The following FSTL5 variants were observed in gnomAD, a reference collection of about 807,000 sequenced individuals.
The protein encoded by FSTL5 is follistatin-related protein 5.
In FSTL5, 62 loss-of-function variants were observed where a neutral mutation model predicts 89.1. The observed-to-expected ratio is 0.70, with a 90% CI of 0.57 to 0.86. The LOEUF (loss-of-function observed/expected upper bound fraction) is 0.86. FSTL5 is among the 40% of genes least tolerant of loss of function. The pLI is 0.00. For synonymous variants in FSTL5, 383 were observed against 346.2 expected (o/e 1.11, Z -1.18); for missense variants, 1,057 against 1,001.6 (o/e 1.06, Z -0.75).
intron 8 of FSTL5, 38 bp downstream of exon 8, chr4:161,587,417 T>A: frequency 6.2e-7 from 1 of 1,602,146 alleles, no homozygotes; most frequent in Non-Finnish European, 8.5e-7. Context: ...AACTATGGTG[T>A]TCTTTGAATA....
chr4:161,703,352 G>A (rs1026215312), intron 6 of FSTL5, among the ~76,000 whole-genome samples: 3 of 151,960 alleles, frequency 2.0e-5, no homozygotes, highest in African/African-American at 4.8e-5. Context: ...TACATGCTAC[G>A]TAGTTCTCCT....
chr4:161,455,856 T>C (rs969031642), intron 14 of FSTL5, among the ~76,000 whole-genome samples: 1 of 152,156 alleles, frequency 6.6e-6, no homozygotes, highest in Admixed American at 6.5e-5. Context: ...GCCTTTTTCC[T>C]GCCTTTACTT....
chr4:161,766,588 G>A (rs1741007229), intron 5 of FSTL5, among the ~76,000 whole-genome samples: 1 of 152,102 alleles, frequency 6.6e-6, no homozygotes, highest in Non-Finnish European at 1.5e-5. Context: ...GTGTCTTCGG[G>A]AAATCCTGCT....
rs192431781 is a variant in FSTL5, at chr4:162,021,864, G to A, written c.160+11761C>T. On this transcript the variant is annotated intron_variant, in intron 3 of 15. Transcript: ENST00000306100. ...TCCCAGCACTTTGGGAGGCCGAGGCGGGTGGATCACGAGGTCATAAGTTCA... is the reference window on the plus strand; with the variant it reads ...TCCCAGCACTTTGGGAGGCCGAGGCAGGTGGATCACGAGGTCATAAGTTCA... Among the ~76,000 whole-genome samples the A allele has an allele frequency of 1.8e-3, 281 of 152,108 alleles. 1 individual carries two copies. The highest frequency in any genetic ancestry group is 5.3e-3 in the African/African-American group (218 of 41,486).
At chr4:161,638,031 T>C (rs950596378) in intron 7 of FSTL5, among the ~76,000 whole-genome samples, 2 of 152,072 alleles carry the variant, frequency 1.3e-5, no homozygotes, top group Admixed American at 6.6e-5. Context: ...GGGGATGGCA[T>C]TGAATCTGTA....
chr4:161,759,081 T>C (rs761868730), intron 6 of FSTL5, among the ~76,000 whole-genome samples: 5 of 152,178 alleles, frequency 3.3e-5, no homozygotes, highest in Non-Finnish European at 5.9e-5. Flanking sequence ...GTGTAAATAA[T>C]TGTTTTTGAT....
chr4:161,907,837 A>C (rs1426627043), intron 4 of FSTL5, among the ~76,000 whole-genome samples: 1 of 152,038 alleles, frequency 6.6e-6, no homozygotes, highest in African/African-American at 2.4e-5. Context: ...ATTCCTTTTG[A>C]GTTCTAACAT....
chr4:162,054,300 C>A (rs770885498), intron 2 of FSTL5, among the ~76,000 whole-genome samples: 7 of 151,686 alleles, frequency 4.6e-5, no homozygotes, highest in Non-Finnish European at 8.8e-5. Context: ...CATTTGTCAA[C>A]GTGTGAATAG....
intron 9 of FSTL5, among the ~76,000 whole-genome samples, chr4:161,540,229 A>G (rs1731773439): frequency 6.6e-6 from 1 of 152,162 alleles, no homozygotes; most frequent in South Asian, 2.1e-4. Flanking sequence ...GTAAGTTATA[A>G]GACTATTGCA....
At chr4:161,853,384 C>T (rs1731620139) in intron 4 of FSTL5, among the ~76,000 whole-genome samples, 1 of 151,808 alleles carries the variant, frequency 6.6e-6, no homozygotes, top group Non-Finnish European at 1.5e-5. Context: ...TCTTGTGCCT[C>T]AGTCTCCTGA....
chr4:161,782,694 T>C (rs1246878662), intron 4 of FSTL5, among the ~76,000 whole-genome samples: 3 of 152,166 alleles, frequency 2.0e-5, no homozygotes, highest in Non-Finnish European at 2.9e-5. Context: ...AAGGGAAGTA[T>C]CGTGAGTTAA....
chr4:161,946,751 G>A, intron 3 of FSTL5, among the ~76,000 whole-genome samples: 1 of 152,110 alleles, frequency 6.6e-6, no homozygotes, highest in East Asian at 1.9e-4. Flanking sequence ...CATTATTCTT[G>A]TGTAAACACT....
chr4:161,542,663 C>A lies in FSTL5; in HGVS notation c.1046G>T (p.Ser349Ile). 2 of 1,529,408 alleles carry A rather than the reference C, an allele frequency of 1.3e-6. No individual in the cohort carries two copies. The highest frequency in any genetic ancestry group is 1.3e-5 in the South Asian group (1 of 77,274). 94.7% of individuals were successfully genotyped at this position (1,529,408 alleles called of 1,614,324 possible). The change falls in exon 9 of 16, where the codon AGT becomes ATT. Residue 349 changes from serine (S) to isoleucine (I), a missense_variant. Physicochemically the swap from Ser to Ile is moderately radical, Grantham distance 142. Coordinates refer to ENST00000306100, the MANE Select transcript of FSTL5 (RefSeq NM_020116.5). ...AGTTACCCCAGGCTCTCTAGCCTGA[C>A]TCTCTGGATACACCCGGATGACTGG... The part of the protein sequence containing the change: ...VPPVIRVYPE[S>I]QAREPGVTAS...
chr4:161,668,137 C>A (rs1347832028), intron 6 of FSTL5, among the ~76,000 whole-genome samples: 2 of 152,012 alleles, frequency 1.3e-5, no homozygotes, highest in Non-Finnish European at 2.9e-5. Context: ...ACCAGAGTAA[C>A]TCAGAAGAAA....
intron 4 of FSTL5, among the ~76,000 whole-genome samples, chr4:161,835,669 A>G (rs1731015038): frequency 1.3e-5 from 2 of 152,114 alleles, no homozygotes; most frequent in South Asian, 4.1e-4. Context: ...TTCTCAAAAG[A>G]AGACATTTAT....
intron 2 of FSTL5, among the ~76,000 whole-genome samples, chr4:162,046,409 G>A (rs1738180624): frequency 6.6e-6 from 1 of 152,022 alleles, no homozygotes; most frequent in Non-Finnish European, 1.5e-5. Context: ...ATTTACTCGG[G>A]GAAAAGAGCA....
At chr4:161,757,542 A>C (rs1740618930) in intron 6 of FSTL5, among the ~76,000 whole-genome samples, 1 of 152,110 alleles carries the variant, frequency 6.6e-6, no homozygotes, top group African/African-American at 2.4e-5. Context: ...TTTGATTAGA[A>C]ACTCAGCCAC....
chr4:161,724,101 G>A (rs2126754612), intron 6 of FSTL5, among the ~76,000 whole-genome samples: 1 of 152,112 alleles, frequency 6.6e-6, no homozygotes, highest in Admixed American at 6.5e-5. Context: ...ATTAAAAACT[G>A]TATGCAAGGC....
chr4:161,756,582 A>C (rs1740579071), intron 6 of FSTL5, among the ~76,000 whole-genome samples: 1 of 152,016 alleles, frequency 6.6e-6, no homozygotes, highest in Admixed American at 6.6e-5. Flanking sequence ...TGACTTGTAA[A>C]ATGTTATTTA....
Sources: gnomAD v4.1 joint callset for allele counts (sites outside exome capture counted in the v4.1 genomes callset) on GRCh38, gnomAD v4.1.1 for gene constraint, MANE v1.5 for transcripts, NCBI Gene and HGNC (gene_info 2026-07-23, HGNC 2026-07-21) for gene names.